Variants in SERTM1 observed in about 807,000 individuals in gnomAD.
SERTM1 encodes the protein serine rich and transmembrane domain containing 1.
A neutral mutation model predicts 5.5 loss-of-function variants in SERTM1; 1 was observed. That is an observed-to-expected ratio of 0.18 (90% CI 0.06 to 0.86). The LOEUF is 0.86. SERTM1 is among the 40% of genes least tolerant of loss of function. SERTM1 has a pLI of 0.69. For missense variants in SERTM1, 91 were observed against 122.4 expected, an observed-to-expected ratio of 0.74 and a Z score of 1.21; for synonymous variants, 52 against 55.1, an observed-to-expected ratio of 0.94 and a Z score of 0.25.
At chr13:36,692,359 C>T (rs2056784775) in intron 1 of SERTM1, among the ~76,000 whole-genome samples, 1 of 152,166 alleles carries the variant, frequency 6.6e-6, no homozygotes, top group Non-Finnish European at 1.5e-5. Flanking sequence ...ATGATATTAA[C>T]AAGAGGTCTG....
At chr13:36,676,124 C>T (rs1045889521) in intron 1 of SERTM1, among the ~76,000 whole-genome samples, 1 of 152,020 alleles carries the variant, frequency 6.6e-6, no homozygotes, top group Admixed American at 6.6e-5. Flanking sequence ...GCATCAAATC[C>T]ACGAGAGAGT....
Position 36,697,669 on chromosome 13 carries a change from C to T in SERTM1, c.*2267C>T, listed in dbSNP as rs2056825367. ...CCCCTGCCGCAATGGTTCTTGCTCT[C>T]AATGTTTAGTAGAGAAATTAAGAGC... is the stretch of plus-strand genomic sequence containing the variant. On this transcript the variant is annotated 3_prime_UTR_variant, in exon 2 of 2. Transcript: ENST00000315190. 6.0e-6 allele frequency: 1 copy of T among 166,838 alleles called. No homozygotes were observed. The highest frequency in any genetic ancestry group is 1.5e-5 in the Non-Finnish European group (1 of 68,092). The allele number at this position is 166,838 out of a possible 1,614,324, so 10.3% of individuals were successfully genotyped here.
At chr13:36,675,780 C>A (rs936216279) in intron 1 of SERTM1, among the ~76,000 whole-genome samples, 2 of 152,192 alleles carry the variant, frequency 1.3e-5, no homozygotes, top group African/African-American at 4.8e-5. Flanking sequence ...CCCTAGTCAC[C>A]TTTAAATGCT....
chr13:36,697,524 A>G lies in SERTM1; in HGVS notation c.*2122A>G, dbSNP rs2138105392. 1 of 166,922 alleles carries G rather than the reference A, an allele frequency of 6.0e-6. No individual in the cohort carries two copies. Among genetic ancestry groups the G allele is most frequent in the Middle Eastern group, 3.4e-3 (1 of 294 alleles). 10.3% of individuals were successfully genotyped at this position (166,922 alleles called of 1,614,324 possible). A position where few individuals can be genotyped will look rare whatever the true frequency, so the allele number is the denominator to read the frequency against. On this transcript the variant is annotated 3_prime_UTR_variant, in exon 2 of 2. Coordinates refer to ENST00000315190, the MANE Select transcript of SERTM1 (RefSeq NM_203451.3). ...TGCCACACAACAGAACAATCTGAGTATGATCTGTCCTCAGGGTATCTTTAT... is the reference window on the plus strand; with the variant it reads ...TGCCACACAACAGAACAATCTGAGTGTGATCTGTCCTCAGGGTATCTTTAT...
At chr13:36,678,696 A>ATATATATATATATATATATATATAT (rs1566226327) in intron 1 of SERTM1, among the ~76,000 whole-genome samples, 16 of 118,618 alleles carry the variant, frequency 1.3e-4, no homozygotes, top group African/African-American at 4.4e-4. Flanking sequence ...TATATATATA[A>ATATATATATATATATATATATATAT]AATATAGTCC....
intron 1 of SERTM1, among the ~76,000 whole-genome samples, chr13:36,681,882 C>G (rs1395029967): frequency 6.6e-6 from 1 of 152,212 alleles, no homozygotes; most frequent in Non-Finnish European, 1.5e-5. Context: ...ACTCCTCCAT[C>G]CTTTCCTCAA....
chr13:36,679,672 G>A (rs555246560), intron 1 of SERTM1, among the ~76,000 whole-genome samples: 107 of 152,262 alleles, frequency 7.0e-4, no homozygotes, highest in African/African-American at 2.5e-3. Context: ...CTCCCAAAGT[G>A]CTGGGATTAC....
Position 36,695,537 on chromosome 13 carries a change from T to A in SERTM1, c.*135T>A, listed in dbSNP as rs182000455. 9 of 679,328 alleles carry A rather than the reference T, an allele frequency of 1.3e-5. No homozygotes were observed. In the East Asian group the frequency reaches 2.4e-4, roughly 18 times the overall value. The allele number at this position is 679,328 out of a possible 1,614,324, so 42.1% of individuals were successfully genotyped here. ...TTCTCCTTCTCCTTTTTCTCTGATT[T>A]CTTTTCTGTTCATGATGCTTTTCAT... On this transcript the variant is annotated 3_prime_UTR_variant, in exon 2 of 2. Transcript: ENST00000315190.
chr13:36,695,421 T>A lies in SERTM1; in HGVS notation c.*19T>A, dbSNP rs764456717. The A allele has an allele frequency of 1.9e-6, 3 of 1,588,640 alleles. No homozygotes were observed. The highest frequency in any genetic ancestry group is 2.6e-6 in the Non-Finnish European group (3 of 1,161,452). ...ATCCTGAGGAAAATGGAAGAGTCCT[T>A]GAGTGTGGCAGCAGTTTTGACATCC... On this transcript the variant is annotated 3_prime_UTR_variant, in exon 2 of 2. Coordinates refer to ENST00000315190, the MANE Select transcript of SERTM1 (RefSeq NM_203451.3).
intron 1 of SERTM1, among the ~76,000 whole-genome samples, chr13:36,687,635 G>A (rs601214): frequency 0.85 from 128,532 of 152,108 alleles, 54,434 homozygotes; most frequent in East Asian, 1. Context: ...CTCTCTTTCT[G>A]TGCATCAAGC....
chr13:36,675,862 G>T (rs1264680434), intron 1 of SERTM1, among the ~76,000 whole-genome samples: 1 of 152,086 alleles, frequency 6.6e-6, no homozygotes, highest in Admixed American at 6.5e-5. Flanking sequence ...CCAGCACGTG[G>T]GTGGGATATT....
intron 1 of SERTM1, among the ~76,000 whole-genome samples, chr13:36,683,608 G>T (rs1465189625): frequency 3.9e-5 from 6 of 152,138 alleles, no homozygotes; most frequent in Non-Finnish European, 5.9e-5. Context: ...GTCACTCAAG[G>T]ATGCAGACTG....
At chr13:36,675,641 T>C (rs563139977) in intron 1 of SERTM1, among the ~76,000 whole-genome samples, 1 of 142,562 alleles carries the variant, frequency 7.0e-6, no homozygotes, top group South Asian at 2.3e-4. Flanking sequence ...TTTTACTAAG[T>C]AGAGTAGTGT....
At position 36,696,143 on chromosome 13, in the gene SERTM1, T is replaced by G. The variant is rs2056812370; in HGVS notation, c.*741T>G. 6.0e-6 allele frequency: 1 copy of G among 166,904 alleles called. No individual in the cohort carries two copies. Among genetic ancestry groups the G allele is most frequent in the Non-Finnish European group, 1.5e-5 (1 of 68,122 alleles). 10.3% of individuals were successfully genotyped at this position (166,904 alleles called of 1,614,324 possible). ...CCACAAAGTTGTGGAATTTTTGTGA[T>G]TAATTGCTGTTACTAGTACTAAGAG... On this transcript the variant is annotated 3_prime_UTR_variant, in exon 2 of 2. Coordinates refer to ENST00000315190, the MANE Select transcript of SERTM1 (RefSeq NM_203451.3).
chr13:36,689,333 C>T (rs944269106), intron 1 of SERTM1, among the ~76,000 whole-genome samples: 2 of 151,794 alleles, frequency 1.3e-5, no homozygotes, highest in African/African-American at 4.8e-5. Context: ...TGACGAAACC[C>T]CATCTCTACT....
At chr13:36,694,615 A>G (rs1487163707) in intron 1 of SERTM1, among the ~76,000 whole-genome samples, 3 of 152,248 alleles carry the variant, frequency 2.0e-5, no homozygotes, top group East Asian at 1.9e-4. Context: ...TGGAGCATCT[A>G]TTGAAATCAC....
chr13:36,676,838 A>G (rs928684717), intron 1 of SERTM1, among the ~76,000 whole-genome samples: 16 of 152,240 alleles, frequency 1.1e-4, no homozygotes, highest in Non-Finnish European at 2.1e-4. Context: ...AAATTAGTTA[A>G]TGGAATAGGG....
Position 36,679,742 on chromosome 13 carries a change from AT to A in SERTM1, c.-174+5560del, listed in dbSNP as rs373079099. ...CCCTTGAACACATTTTTTTCTGTGT[AT>A]TAATGATGTCATATCTTTTAGTGTT... On this transcript the variant is annotated intron_variant, in intron 1 of 1. Transcript: ENST00000315190. Among the ~76,000 whole-genome samples the A allele has an allele frequency of 5.2e-4, 79 of 152,310 alleles. 1 individual carries two copies. The East Asian group carries it at 8.7e-3, about 17-fold the overall frequency.
At chr13:36,676,114 G>T (rs1308097777) in intron 1 of SERTM1, among the ~76,000 whole-genome samples, 2 of 152,072 alleles carry the variant, frequency 1.3e-5, no homozygotes, top group African/African-American at 4.8e-5. Context: ...ATTGCATGTG[G>T]CATCAAATCC....
Sources: allele counts gnomAD v4.1 joint callset (sites outside exome capture counted in the v4.1 genomes callset), GRCh38; gene constraint gnomAD v4.1.1; transcripts MANE v1.5; gene names NCBI Gene and HGNC (gene_info 2026-07-23, HGNC 2026-07-21).